Variants in ACAP2 observed in about 807,000 individuals in gnomAD.
ACAP2 encodes arf-GAP with coiled-coil, ANK repeat and PH domain-containing protein 2.
A neutral mutation model predicts 115.8 loss-of-function variants in ACAP2; 39 were observed. The ratio of observed to expected loss-of-function variants is 0.34; its 90% CI spans 0.26 to 0.44. The LOEUF (loss-of-function observed/expected upper bound fraction) is 0.44, where lower values mean the gene tolerates loss of function less well. Ranked by LOEUF, ACAP2 falls within the 20% of genes least tolerant of loss-of-function variation. ACAP2 has a pLI of 1.00. For missense variants in ACAP2, 662 were observed against 927.6 expected, an observed-to-expected ratio of 0.71 and a Z score of 3.72; for synonymous variants, 289 against 315.8, an observed-to-expected ratio of 0.92 and a Z score of 0.90.
At chr3:195,333,154 AATCT>A in intron 7 of ACAP2, 31 bp from the exon 8 acceptor site, 1 of 1,210,748 alleles carries the variant, frequency 8.3e-7, no homozygotes, top group Admixed American at 2.0e-5. Flanking sequence ...ACCATTTTAA[AATCT>A]ATTCCTAGAT....
intron 4 of ACAP2, among the ~76,000 whole-genome samples, chr3:195,376,056 T>C (rs1257358115): frequency 6.6e-6 from 1 of 152,158 alleles, no homozygotes; most frequent in Non-Finnish European, 1.5e-5. Context: ...GTAGCATACC[T>C]GACCTGCTCT....
At chr3:195,281,528 G>A (rs983997976) in intron 22 of ACAP2, among the ~76,000 whole-genome samples, 2 of 152,028 alleles carry the variant, frequency 1.3e-5, no homozygotes, top group Non-Finnish European at 2.9e-5. Context: ...ATTTATTCCC[G>A]ACCTGAATCA....
rs112624337 is a variant in ACAP2 at position 195,439,223 on chromosome 3, G to A, written c.53+3572C>T. 4.9e-3 allele frequency among the ~76,000 whole-genome samples: 706 copies of A among 145,116 alleles called. 7 individuals are homozygous for A. Among genetic ancestry groups the A allele is most frequent in the African/African-American group, 0.017 (669 of 39,166 alleles). On this transcript the variant is annotated intron_variant, in intron 1 of 22. Transcript: ENST00000326793. ...TTTTTTTTTTTAAGAGAGAGAGAGA[G>A]AGTCTAGCTCTGTTGCCCAGGCTGG...
chr3:195,340,964 C>A (rs1378119902), intron 6 of ACAP2, among the ~76,000 whole-genome samples: 3 of 152,080 alleles, frequency 2.0e-5, no homozygotes, highest in Non-Finnish European at 2.9e-5. Flanking sequence ...TATTGTTTTG[C>A]CAAGTTACCT....
At chr3:195,357,465 T>C (rs537904298) in intron 4 of ACAP2, among the ~76,000 whole-genome samples, 1 of 152,280 alleles carries the variant, frequency 6.6e-6, no homozygotes, top group African/African-American at 2.4e-5. Flanking sequence ...GACTATAGCC[T>C]GAGTGCCTTA....
chr3:195,317,212 C>G (rs568539588), intron 10 of ACAP2, among the ~76,000 whole-genome samples: 116 of 151,906 alleles, frequency 7.6e-4, no homozygotes, highest in African/African-American at 2.6e-3. Context: ...AATGTTTTTT[C>G]TATATAACCT....
At chr3:195,344,682 C>T (rs889034771) in intron 5 of ACAP2, among the ~76,000 whole-genome samples, 5 of 152,046 alleles carry the variant, frequency 3.3e-5, no homozygotes, top group African/African-American at 1.2e-4. Context: ...CACCCCGCCC[C>T]GCTAATTTTG....
intron 1 of ACAP2, among the ~76,000 whole-genome samples, chr3:195,436,644 GT>G (rs1715561320): frequency 6.6e-6 from 1 of 152,002 alleles, no homozygotes; most frequent in Admixed American, 6.6e-5. Context: ...ATAATAAAAA[GT>G]TTTAAATAAA....
chr3:195,367,188 T>C (rs536979936), intron 4 of ACAP2, among the ~76,000 whole-genome samples: 10 of 152,188 alleles, frequency 6.6e-5, no homozygotes, highest in East Asian at 5.8e-4. Flanking sequence ...CAAACACAGA[T>C]TGCTAGCTCC....
At chr3:195,325,606 T>C (rs1729742878) in intron 9 of ACAP2, among the ~76,000 whole-genome samples, 1 of 152,010 alleles carries the variant, frequency 6.6e-6, no homozygotes, top group Non-Finnish European at 1.5e-5. Flanking sequence ...GAAGCTTCAG[T>C]ACAACACTGA....
In ACAP2 at chr3:195,302,052, G is replaced by A; in HGVS notation, c.1239C>T (p.Ser413=). The change falls in exon 14 of 23, where the codon AGC becomes AGT. Residue 413 remains serine, a synonymous_variant. Coordinates refer to ENST00000326793, the MANE Select transcript of ACAP2 (RefSeq NM_012287.6). ...GATCTGCCAGGCCACAGTCACAACAGCTGGCATTGCCAGGGATACACTGGA... is the reference window on the plus strand; with the variant it reads ...GATCTGCCAGGCCACAGTCACAACAACTGGCATTGCCAGGGATACACTGGA... ...QRVQCIPGNA[S]CCDCGLADPR... is the part of the protein sequence containing the mutation. 6.2e-7 allele frequency: 1 copy of A among 1,614,176 alleles called. No homozygotes were observed. Among genetic ancestry groups the A allele is most frequent in the Non-Finnish European group, 8.5e-7 (1 of 1,180,044 alleles).
intron 10 of ACAP2, among the ~76,000 whole-genome samples, chr3:195,313,443 G>A (rs139068184): frequency 0.013 from 1,976 of 152,260 alleles, 34 homozygotes; most frequent in African/African-American, 0.043. Context: ...AAAGAAAGTA[G>A]GTTCACTAAA....
chr3:195,438,407 T>A (rs1048828612), intron 1 of ACAP2, among the ~76,000 whole-genome samples: 3 of 151,068 alleles, frequency 2.0e-5, no homozygotes, highest in African/African-American at 2.4e-5. Flanking sequence ...AAAAAAAAAA[T>A]TTCCCCTCAG....
intron 21 of ACAP2, among the ~76,000 whole-genome samples, chr3:195,288,113 A>G (rs1726968097): frequency 6.6e-6 from 1 of 152,026 alleles, no homozygotes; most frequent in African/African-American, 2.4e-5. Context: ...AAAAAAAAAA[A>G]GAAACCATTT....
At chr3:195,279,984 C>CACCT (rs1726385599) in intron 22 of ACAP2, among the ~76,000 whole-genome samples, 1 of 151,862 alleles carries the variant, frequency 6.6e-6, no homozygotes, top group Non-Finnish European at 1.5e-5. Flanking sequence ...AAAACTAATG[C>CACCT]ACCTAATCCA....
At chr3:195,333,006 A>G (rs1208749028) in intron 8 of ACAP2, 22 bp downstream of exon 8, 11 of 1,537,660 alleles carry the variant, frequency 7.2e-6, no homozygotes, top group Non-Finnish European at 9.8e-6. Context: ...AAACAGAATC[A>G]AGAAATATAC....
At chr3:195,289,318 T>A in intron 20 of ACAP2, 87 bp from the exon 21 acceptor site, 1 of 866,084 alleles carries the variant, frequency 1.2e-6, no homozygotes, top group Non-Finnish European at 1.9e-6. Flanking sequence ...ACTACTTAAG[T>A]AACATTTTCA....
At chr3:195,384,040 A>G (rs1174402427) in intron 2 of ACAP2, among the ~76,000 whole-genome samples, 3 of 152,240 alleles carry the variant, frequency 2.0e-5, no homozygotes, top group African/African-American at 7.2e-5. Flanking sequence ...GTAAATTGGT[A>G]CAATATCTAC....
intron 7 of ACAP2, 134 bp downstream of exon 7, chr3:195,336,798 A>G (rs1445370510): frequency 2.7e-6 from 2 of 746,010 alleles, no homozygotes; most frequent in African/African-American, 3.6e-5. Flanking sequence ...CACATAAGAA[A>G]CACAAATGAA....
Sources: gnomAD v4.1 joint callset for allele counts (sites outside exome capture counted in the v4.1 genomes callset) on GRCh38, gnomAD v4.1.1 for gene constraint, MANE v1.5 for transcripts, NCBI Gene and HGNC (gene_info 2026-07-23, HGNC 2026-07-21) for gene names.